Variants in SMAD9 observed in about 807,000 individuals in gnomAD.
SMAD9 encodes the protein MAD homolog 9.
SMAD9 carries 36 observed loss-of-function variants against 46.1 expected under a neutral mutation model. That is an observed-to-expected ratio of 0.78 (90% CI 0.60 to 1.03). The LOEUF is 1.03. Ranked by LOEUF, SMAD9 falls within the 50% of genes least tolerant of loss-of-function variation. The pLI is 0.00. For synonymous variants in SMAD9, 245 were observed against 237.1 expected, an observed-to-expected ratio of 1.03 and a Z score of -0.31; for missense variants, 572 against 599.8, an observed-to-expected ratio of 0.95 and a Z score of 0.48.
chr13:36,867,581 C>G (rs1235993188), intron 3 of SMAD9, among the ~76,000 whole-genome samples, 198 bp from the exon 4 acceptor site: 1 of 152,112 alleles, frequency 6.6e-6, no homozygotes, highest in Admixed American at 6.6e-5. Flanking sequence ...GTTCTGAGAG[C>G]CTCAGTAAAG....
At chr13:36,917,370 T>C (rs1210503066) in intron 1 of SMAD9, among the ~76,000 whole-genome samples, 3 of 151,784 alleles carry the variant, frequency 2.0e-5, no homozygotes, top group Non-Finnish European at 4.4e-5. Flanking sequence ...CTCACAGTAT[T>C]GTTAAGTACT....
At chr13:36,861,642 T>C (rs2058183477) in intron 5 of SMAD9, among the ~76,000 whole-genome samples, 1 of 150,012 alleles carries the variant, frequency 6.7e-6, no homozygotes, top group South Asian at 2.2e-4. Context: ...AAAAATGATA[T>C]ATTCAGGCCA....
intron 6 of SMAD9, chr13:36,851,741 TC>T: frequency 1.0e-6 from 1 of 972,780 alleles, no homozygotes; most frequent in Non-Finnish European, 1.2e-6. Context: ...AAAAAAATGA[TC>T]TATAGTTATA....
chr13:36,886,718 T>C (rs1446087066), intron 1 of SMAD9, among the ~76,000 whole-genome samples: 1 of 152,038 alleles, frequency 6.6e-6, no homozygotes, highest in Non-Finnish European at 1.5e-5. Context: ...ACAAACATGA[T>C]TGTGGGGCCA....
chr13:36,871,085 G>C (rs1373596979), intron 3 of SMAD9, among the ~76,000 whole-genome samples: 1 of 152,190 alleles, frequency 6.6e-6, no homozygotes, highest in African/African-American at 2.4e-5. Flanking sequence ...CCTCAGATAA[G>C]GGGGGACAAC....
chr13:36,848,515 C>CTAGAAA lies in SMAD9; in HGVS notation c.*155_*160dup. 1 of 759,510 alleles carries CTAGAAA rather than the reference C, an allele frequency of 1.3e-6. No individual in the cohort carries two copies. Among genetic ancestry groups the CTAGAAA allele is most frequent in the Non-Finnish European group, 2.3e-6 (1 of 442,514 alleles). The allele number at this position is 759,510 out of a possible 1,614,324, so 47.0% of individuals were successfully genotyped here. A position where few individuals can be genotyped will look rare whatever the true frequency, so the allele number is the denominator to read the frequency against. On this transcript the variant is annotated 3_prime_UTR_variant, in exon 7 of 7. Coordinates refer to ENST00000379826, the MANE Select transcript of SMAD9 (RefSeq NM_001127217.3). ...TTGCACTGTACTGGCATCAGGTTAACTAGAAAGCACAAAACAAACGGTGAT... is the reference window on the plus strand; with the variant it reads ...TTGCACTGTACTGGCATCAGGTTAACTAGAAATAGAAAGCACAAAACAAACGGTGAT...
chr13:36,886,602 GC>G (rs1277313496), intron 1 of SMAD9, among the ~76,000 whole-genome samples: 5 of 152,386 alleles, frequency 3.3e-5, no homozygotes, highest in South Asian at 2.1e-4. Flanking sequence ...GTCAGGCCCT[GC>G]CCAGTGGGGA....
At chr13:36,900,581 T>C (rs2058566028) in intron 1 of SMAD9, among the ~76,000 whole-genome samples, 1 of 151,744 alleles carries the variant, frequency 6.6e-6, no homozygotes, top group South Asian at 2.1e-4. Context: ...CTTGGCCGAC[T>C]ATCTTATTTT....
intron 5 of SMAD9, among the ~76,000 whole-genome samples, chr13:36,860,759 G>C (rs647315): frequency 1.5e-4 from 23 of 151,830 alleles, no homozygotes; most frequent in Non-Finnish European, 1.5e-4. Flanking sequence ...GGCCACCAGC[G>C]TGTCTCTTAG....
At chr13:36,902,203 T>C (rs2058581956) in intron 1 of SMAD9, among the ~76,000 whole-genome samples, 1 of 152,156 alleles carries the variant, frequency 6.6e-6, no homozygotes, top group Non-Finnish European at 1.5e-5. Context: ...CATTTGGCTG[T>C]GTAGTTGCCC....
intron 6 of SMAD9, chr13:36,851,992 C>T: frequency 2.0e-6 from 2 of 981,776 alleles, no homozygotes; most frequent in Non-Finnish European, 2.4e-6. Context: ...CTGTATGATT[C>T]AAATGATGCC....
At chr13:36,890,802 C>A (rs557149441) in intron 1 of SMAD9, among the ~76,000 whole-genome samples, 48 of 152,050 alleles carry the variant, frequency 3.2e-4, no homozygotes, top group African/African-American at 1.1e-3. Flanking sequence ...TCTCACCCCC[C>A]ACTCTCCCCT....
intron 1 of SMAD9, among the ~76,000 whole-genome samples, chr13:36,888,383 T>G: frequency 6.6e-6 from 1 of 152,194 alleles, no homozygotes; most frequent in Non-Finnish European, 1.5e-5. Context: ...CCTTCTGCGA[T>G]GATTGTAAAT....
chr13:36,862,634 C>A (rs769960867), intron 5 of SMAD9, among the ~76,000 whole-genome samples: 10 of 152,212 alleles, frequency 6.6e-5, no homozygotes, highest in Non-Finnish European at 1.5e-4. Context: ...AGTCGAACAG[C>A]CCATGCTGCT....
chr13:36,846,879 A>AT lies in SMAD9; in HGVS notation c.*1796dup, dbSNP rs1192973218. ...AACATGAAGATGTCTGTACAAACAG[A>AT]TTCACTATTAGGTTCTCGGCTCCCT... On this transcript the variant is annotated 3_prime_UTR_variant, in exon 7 of 7. Transcript: ENST00000379826. The AT allele has an allele frequency of 5.9e-5, 9 of 152,200 alleles. No individual in the cohort carries two copies. The highest frequency in any genetic ancestry group is 2.2e-4 in the African/African-American group (9 of 41,460). 9.4% of individuals were successfully genotyped at this position (152,200 alleles called of 1,614,324 possible). A position where few individuals can be genotyped will look rare whatever the true frequency, so the allele number is the denominator to read the frequency against.
chr13:36,865,421 G>A, intron 5 of SMAD9, 116 bp downstream of exon 5: 2 of 804,756 alleles, frequency 2.5e-6, no homozygotes, highest in South Asian at 1.4e-5. Flanking sequence ...CACCAGCCCT[G>A]GGGTCCTTCC....
At chr13:36,901,383 T>C (rs1396008573) in intron 1 of SMAD9, among the ~76,000 whole-genome samples, 1 of 152,026 alleles carries the variant, frequency 6.6e-6, no homozygotes, top group Non-Finnish European at 1.5e-5. Flanking sequence ...TTAGTAGATA[T>C]GTAGTGATAT....
chr13:36,860,489 G>A (rs1313000025), intron 5 of SMAD9, among the ~76,000 whole-genome samples: 1 of 140,856 alleles, frequency 7.1e-6, no homozygotes, highest in African/African-American at 2.7e-5. Context: ...TCGCTCTGTC[G>A]CCCAGGCTGG....
intron 6 of SMAD9, among the ~76,000 whole-genome samples, chr13:36,853,084 A>G (rs943970503): frequency 3.9e-5 from 6 of 152,144 alleles, no homozygotes; most frequent in Non-Finnish European, 8.8e-5. Flanking sequence ...CAGGAGTTCA[A>G]GACCACTCTG....
Sources: gnomAD v4.1 joint callset for allele counts (sites outside exome capture counted in the v4.1 genomes callset) on GRCh38, gnomAD v4.1.1 for gene constraint, MANE v1.5 for transcripts, NCBI Gene and HGNC (gene_info 2026-07-23, HGNC 2026-07-21) for gene names.